The following PDCL2 variants were observed in gnomAD, a reference collection of about 807,000 sequenced individuals.
PDCL2 encodes the protein phosducin like 2, also known as phosducin-like protein 2.
A neutral mutation model predicts 30.3 loss-of-function variants in PDCL2; 23 were observed. The observed-to-expected ratio is 0.76, with a 90% confidence interval of 0.55 to 1.08. The LOEUF is 1.08. PDCL2 is among the 50% of genes least tolerant of loss of function. The pLI is 0.00. For missense variants in PDCL2, 243 were observed against 282.3 expected, an observed-to-expected ratio of 0.86 and a Z score of 1.00; for synonymous variants, 68 against 86.2, an observed-to-expected ratio of 0.79 and a Z score of 1.17.
intron 3 of PDCL2, among the ~76,000 whole-genome samples, chr4:55,578,762 C>A (rs1198013407): frequency 6.6e-6 from 1 of 152,156 alleles, no homozygotes; most frequent in Non-Finnish European, 1.5e-5. Context: ...TAACCTTGAT[C>A]ATCTGCCTAA....
rs1039121931 is a variant in PDCL2, at chr4:55,592,185, T to C, written c.-76A>G. On this transcript the variant is annotated 5_prime_UTR_variant, in exon 1 of 6. Transcript: ENST00000295645. ...GCGCCACGGATGGAGACCCGCAGCC[T>C]TCTCCAGGCTGGAAGAGCGCCCGCT... 2 of 1,579,202 alleles carry C rather than the reference T, an allele frequency of 1.3e-6. No individual in the cohort carries two copies. Among genetic ancestry groups the C allele is most frequent in the Admixed American group, 1.8e-5 (1 of 56,260 alleles).
At chr4:55,560,938 C>T (rs964275573) in intron 5 of PDCL2, among the ~76,000 whole-genome samples, 1 of 152,114 alleles carries the variant, frequency 6.6e-6, no homozygotes, top group Middle Eastern at 3.2e-3. Flanking sequence ...ACTTCCCAGC[C>T]TCCAGAACTG....
At chr4:55,560,190 G>GC (rs1491125239) in intron 5 of PDCL2, among the ~76,000 whole-genome samples, 2 of 8,934 alleles carry the variant, frequency 2.2e-4, no homozygotes, top group Non-Finnish European at 4.8e-4. Flanking sequence ...CAAAAAAAAA[G>GC]GGGGGGGGGA....
intron 1 of PDCL2, among the ~76,000 whole-genome samples, chr4:55,589,101 C>T (rs1028450118): frequency 2.0e-5 from 3 of 152,226 alleles, no homozygotes; most frequent in African/African-American, 4.8e-5. Context: ...CCTCGTGATC[C>T]GCCCACCTCG....
chr4:55,584,518 A>G (rs2130039), intron 1 of PDCL2, among the ~76,000 whole-genome samples: 6,575 of 152,162 alleles, frequency 0.043, 451 homozygotes, highest in African/African-American at 0.15. Context: ...CGGCCTCTCA[A>G]AGTGCTAGGA....
chr4:55,581,563 GAAGA>G (rs1272884636), intron 2 of PDCL2, among the ~76,000 whole-genome samples: 1 of 152,190 alleles, frequency 6.6e-6, no homozygotes, highest in Non-Finnish European at 1.5e-5. Flanking sequence ...CATGGTGGGA[GAAGA>G]AAGCTCACTT....
In PDCL2 at chr4:55,569,734, GA is replaced by G. The variant is rs1487614340; in HGVS notation, c.345del (p.His116IlefsTer20). The G allele has an allele frequency of 6.4e-7, 1 of 1,552,844 alleles. No individual in the cohort carries two copies. The highest frequency in any genetic ancestry group is 8.7e-7 in the Non-Finnish European group (1 of 1,147,918). ...TNAEEDVWVI[I>X]HLYRSSIPMC... Reference sequence around the variant, plus strand: ...GGTAATTACCTTGATCTGTATAGATGAATTATAACCCACACATCTTCTTCTG... The same window carrying G: ...GGTAATTACCTTGATCTGTATAGATGATTATAACCCACACATCTTCTTCTG... On this transcript the variant is annotated frameshift_variant, in exon 4 of 6. Transcript: ENST00000295645. LOFTEE classifies it high-confidence loss of function.
intron 3 of PDCL2, among the ~76,000 whole-genome samples, chr4:55,578,098 G>A (rs1307884340): frequency 1.3e-5 from 2 of 152,114 alleles, no homozygotes; most frequent in Non-Finnish European, 2.9e-5. Flanking sequence ...CGGAGTAAAT[G>A]CACTGGCTTT....
intron 3 of PDCL2, among the ~76,000 whole-genome samples, chr4:55,572,270 G>A (rs1033376776): frequency 4.1e-4 from 4 of 9,854 alleles, no homozygotes; most frequent in Non-Finnish European, 1.8e-4. Flanking sequence ...AACTTAATAT[G>A]GGGGGAATTA....
At chr4:55,587,173 A>C (rs912656250) in intron 1 of PDCL2, among the ~76,000 whole-genome samples, 1 of 139,156 alleles carries the variant, frequency 7.2e-6, no homozygotes, top group Non-Finnish European at 1.5e-5. Context: ...TGTCTTCCAG[A>C]GGAGAGGAAC....
rs543862992 is a variant in PDCL2 at position 55,585,421 on chromosome 4, G to A, written c.7-3184C>T. ...CAGGCACCTGTAATCCCAGCTACTC[G>A]GGAGACTGAGGCAGGAGAATCACTT... is the stretch of plus-strand genomic sequence containing the variant. On this transcript the variant is annotated intron_variant, in intron 1 of 5. Transcript: ENST00000295645. Among the ~76,000 whole-genome samples, 9 of 151,958 alleles carry A rather than the reference G, an allele frequency of 5.9e-5. 1 individual carries two copies. The South Asian group carries it at 1.7e-3, about 28-fold the overall frequency.
intron 5 of PDCL2, among the ~76,000 whole-genome samples, chr4:55,558,497 G>T (rs1242815653): frequency 6.6e-6 from 1 of 152,206 alleles, no homozygotes; most frequent in Non-Finnish European, 1.5e-5. Context: ...CCCCAGCCAT[G>T]CTGAACTGTG....
At chr4:55,569,205 A>G (rs1732357791) in intron 4 of PDCL2, among the ~76,000 whole-genome samples, 2 of 152,190 alleles carry the variant, frequency 1.3e-5, no homozygotes, top group African/African-American at 2.4e-5. Flanking sequence ...AAATGGGTAG[A>G]GGAAATATAA....
At chr4:55,591,264 T>C (rs911125456) in intron 1 of PDCL2, among the ~76,000 whole-genome samples, 5 of 151,622 alleles carry the variant, frequency 3.3e-5, no homozygotes, top group African/African-American at 1.2e-4. Flanking sequence ...GGTGTTTCTG[T>C]AAGTTAGAAA....
At chr4:55,559,134 C>G (rs1416114073) in intron 5 of PDCL2, among the ~76,000 whole-genome samples, 1 of 152,178 alleles carries the variant, frequency 6.6e-6, no homozygotes, top group Non-Finnish European at 1.5e-5. Flanking sequence ...TTAACAAGAA[C>G]TGGTGAAGAT....
chr4:55,558,391 A>G (rs1038666339), intron 5 of PDCL2, among the ~76,000 whole-genome samples: 1 of 152,104 alleles, frequency 6.6e-6, no homozygotes, highest in African/African-American at 2.4e-5. Context: ...CTTTTTCCCC[A>G]CTTCACTTAG....
intron 1 of PDCL2, among the ~76,000 whole-genome samples, chr4:55,588,317 T>C (rs1251093652): frequency 6.6e-6 from 1 of 152,226 alleles, no homozygotes; most frequent in Non-Finnish European, 1.5e-5. Context: ...CATATCTGAT[T>C]GCTTCCTCTG....
At chr4:55,564,203 C>T (rs559526661) in intron 4 of PDCL2, among the ~76,000 whole-genome samples, 15 of 152,150 alleles carry the variant, frequency 9.9e-5, no homozygotes, top group Admixed American at 9.2e-4. Context: ...AGAATGAAAG[C>T]TCAGTCAGTG....
At chr4:55,560,192 G>A (rs116838617) in intron 5 of PDCL2, among the ~76,000 whole-genome samples, 1 of 145,054 alleles carries the variant, frequency 6.9e-6, no homozygotes, top group Non-Finnish European at 1.5e-5. Context: ...AAAAAAAAGG[G>A]GGGGGGGACG....
Sources: allele counts gnomAD v4.1 joint callset (sites outside exome capture counted in the v4.1 genomes callset), GRCh38; gene constraint gnomAD v4.1.1; transcripts MANE v1.5; gene names NCBI Gene and HGNC (gene_info 2026-07-23, HGNC 2026-07-21).